Variants in SCUBE1 observed in about 807,000 individuals in gnomAD.
SCUBE1 encodes the protein signal peptide, CUB and EGF-like domain-containing protein 1.
Under a neutral mutation model 124.4 loss-of-function variants are expected in SCUBE1, and 59 were observed. The ratio of observed to expected loss-of-function variants is 0.47; its 90% CI spans 0.38 to 0.59. The LOEUF is 0.59. SCUBE1 is among the 20% of genes least tolerant of loss of function. The pLI is 0.00. For synonymous variants in SCUBE1, 545 were observed against 550.9 expected, an observed-to-expected ratio of 0.99 and a Z score of 0.15; for missense variants, 1,150 against 1,371.2, an observed-to-expected ratio of 0.84 and a Z score of 2.55.
At chr22:43,262,616 TG>T in intron 5 of SCUBE1, 103 bp downstream of exon 5, 1 of 1,399,514 alleles carries the variant, frequency 7.1e-7, no homozygotes, top group South Asian at 1.2e-5. Flanking sequence ...CCCATGGGGC[TG>T]GGGACCCTCC....
intron 1 of SCUBE1, among the ~76,000 whole-genome samples, chr22:43,341,242 G>A (rs1927307014): frequency 6.6e-6 from 1 of 152,216 alleles, no homozygotes; most frequent in Admixed American, 6.5e-5. Context: ...AACTGGAGGG[G>A]GCCCAGCCGG....
At chr22:43,259,623 G>A (rs542980455) in intron 5 of SCUBE1, among the ~76,000 whole-genome samples, 8 of 152,280 alleles carry the variant, frequency 5.3e-5, no homozygotes, top group African/African-American at 1.7e-4. Context: ...CTGAGTGATG[G>A]GGCACCTCAG....
At chr22:43,324,916 G>C (rs557314736) in intron 2 of SCUBE1, among the ~76,000 whole-genome samples, 1 of 149,912 alleles carries the variant, frequency 6.7e-6, no homozygotes, top group Non-Finnish European at 1.5e-5. Flanking sequence ...CTTGGAAGTA[G>C]GGTCTTTGCA....
chr22:43,325,677 C>T (rs1008761942), intron 2 of SCUBE1, among the ~76,000 whole-genome samples: 8 of 151,810 alleles, frequency 5.3e-5, no homozygotes, highest in Admixed American at 5.2e-4. Context: ...TCCAGCAATT[C>T]ACTCCAAGCA....
chr22:43,203,685 G>A lies in SCUBE1; in HGVS notation c.*312C>T, dbSNP rs993724276. 13 of 266,230 alleles carry A rather than the reference G, an allele frequency of 4.9e-5. No homozygotes were observed. Among genetic ancestry groups the A allele is most frequent in the African/African-American group, 1.8e-4 (8 of 44,662 alleles). The allele number at this position is 266,230 out of a possible 1,614,324, so 16.5% of individuals were successfully genotyped here. On this transcript the variant is annotated 3_prime_UTR_variant, in exon 22 of 22. Coordinates refer to ENST00000360835, the MANE Select transcript of SCUBE1 (RefSeq NM_173050.5). ...CCCCACTTCCCCTCTCTCCTGAAAC[G>A]CCAGGCCAGGCAGAGGGTCCTGCAA...
intron 3 of SCUBE1, among the ~76,000 whole-genome samples, chr22:43,300,219 C>T (rs572514366): frequency 6.6e-6 from 1 of 151,984 alleles, no homozygotes; most frequent in East Asian, 1.9e-4. Flanking sequence ...CGGGCGACAC[C>T]GTTTTACATT....
At chr22:43,219,535 G>A (rs756939170) in intron 14 of SCUBE1, among the ~76,000 whole-genome samples, 51 of 149,854 alleles carry the variant, frequency 3.4e-4, no homozygotes, top group Non-Finnish European at 6.2e-4. Context: ...GCACAGTGGC[G>A]CGATCTCAGC....
intron 6 of SCUBE1, among the ~76,000 whole-genome samples, chr22:43,248,734 C>T (rs540311433): frequency 2.0e-5 from 3 of 152,318 alleles, no homozygotes; most frequent in Non-Finnish European, 2.9e-5. Context: ...GCCTGGGGAG[C>T]GGCCCTGTGA....
chr22:43,329,178 C>A (rs1176753408), intron 2 of SCUBE1, among the ~76,000 whole-genome samples: 1 of 152,218 alleles, frequency 6.6e-6, no homozygotes, highest in Non-Finnish European at 1.5e-5. Flanking sequence ...CAGCCTGGAG[C>A]GGGGAATGAC....
At chr22:43,225,775 A>G (rs780269040) in intron 10 of SCUBE1, among the ~76,000 whole-genome samples, 1 of 152,038 alleles carries the variant, frequency 6.6e-6, no homozygotes, top group Non-Finnish European at 1.5e-5. Context: ...CTTTGGAGGC[A>G]GGTTTGCGTA....
intron 7 of SCUBE1, among the ~76,000 whole-genome samples, chr22:43,237,297 C>T (rs981915798): frequency 6.6e-6 from 1 of 152,212 alleles, no homozygotes; most frequent in African/African-American, 2.4e-5. Context: ...GCACCAGGCC[C>T]CTTTCTGGCC....
chr22:43,204,229 G>T, intron 21 of SCUBE1, 80 bp from the exon 22 acceptor site: 1 of 1,315,314 alleles, frequency 7.6e-7, no homozygotes, highest in Non-Finnish European at 1.1e-6. Flanking sequence ...TGGGGGAGGG[G>T]AGAGAGATGC....
At chr22:43,325,215 G>A (rs1455299471) in intron 2 of SCUBE1, among the ~76,000 whole-genome samples, 2 of 152,008 alleles carry the variant, frequency 1.3e-5, no homozygotes, top group African/African-American at 4.8e-5. Context: ...TTGCATTCAA[G>A]TGCAGGCTCT....
chr22:43,219,429 T>C (rs1921984757), intron 14 of SCUBE1, among the ~76,000 whole-genome samples: 1 of 151,996 alleles, frequency 6.6e-6, no homozygotes, highest in African/African-American at 2.4e-5. Context: ...CCTGATAAAT[T>C]ATGCAGCCTC....
At chr22:43,281,487 T>TCAC (rs1569010801) in intron 4 of SCUBE1, among the ~76,000 whole-genome samples, 2 of 62,436 alleles carry the variant, frequency 3.2e-5, no homozygotes, top group South Asian at 6.9e-4. Context: ...CCTCCCTCTT[T>TCAC]GGCCACCCTC....
intron 3 of SCUBE1, among the ~76,000 whole-genome samples, chr22:43,311,733 T>C (rs1021381773): frequency 1.3e-5 from 2 of 152,044 alleles, no homozygotes; most frequent in African/African-American, 2.4e-5. Flanking sequence ...GGCCCTAATA[T>C]AGCACTTTCT....
chr22:43,269,069 CACA>C (rs747695969), intron 4 of SCUBE1, among the ~76,000 whole-genome samples: 1 of 152,148 alleles, frequency 6.6e-6, no homozygotes, highest in Admixed American at 6.5e-5. Flanking sequence ...CTTGGACCCT[CACA>C]ACAAGCCTGA....
In SCUBE1 at chr22:43,258,477, G is replaced by A; in HGVS notation, c.611-142C>T. On this transcript the variant is annotated intron_variant, in intron 5 of 21. Coordinates refer to ENST00000360835, the MANE Select transcript of SCUBE1 (RefSeq NM_173050.5). This position sits in a 1 kb window ranked among gnomAD's most constrained non-coding sequence, Gnocchi z 5.0. The stretch of plus-strand genomic sequence containing the variant: ...TGGGTAGGGTCATGAGGCTCGCCGG[G>A]CAACGGGGGAGCATTTCCCTGCACT... 1 of 679,128 alleles carries A rather than the reference G, an allele frequency of 1.5e-6. No individual in the cohort carries two copies. 42.1% of individuals were successfully genotyped at this position (679,128 alleles called of 1,614,324 possible).
At chr22:43,207,891 T>G (rs1313301553) in intron 20 of SCUBE1, among the ~76,000 whole-genome samples, 181 bp downstream of exon 20, 1 of 152,232 alleles carries the variant, frequency 6.6e-6, no homozygotes, top group East Asian at 1.9e-4. Context: ...CTGTCTTGCC[T>G]GTACCACCCG....
Sources: gnomAD v4.1 joint callset for allele counts (sites outside exome capture counted in the v4.1 genomes callset) on GRCh38, gnomAD v4.1.1 for gene constraint, Gnocchi (gnomAD v3.1) non-coding constraint, MANE v1.5 for transcripts, NCBI Gene and HGNC (gene_info 2026-07-23, HGNC 2026-07-21) for gene names.